CPNE4: variants seen among roughly 807,000 people sequenced by gnomAD.
CPNE4 encodes the protein copine-4.
In CPNE4, 25 loss-of-function variants were observed where a neutral mutation model predicts 67.9. The observed-to-expected ratio is 0.37, with a 90% confidence interval of 0.27 to 0.51. The LOEUF (loss-of-function observed/expected upper bound fraction) is 0.51, where lower values mean the gene tolerates loss of function less well. Ranked by LOEUF, CPNE4 falls within the 20% of genes least tolerant of loss-of-function variation. The pLI, the probability that CPNE4 is intolerant of heterozygous loss-of-function variation, is 0.93. For missense variants in CPNE4, 464 were observed against 690.8 expected (o/e 0.67, Z 3.68); for synonymous variants, 242 against 244.9 (o/e 0.99, Z 0.11).
intron 2 of CPNE4, among the ~76,000 whole-genome samples, chr3:131,804,820 C>G (rs2084254036): frequency 1.3e-5 from 2 of 152,224 alleles, no homozygotes; most frequent in Non-Finnish European, 2.9e-5. Flanking sequence ...GTGGCCCAGT[C>G]TTCCCATTTG....
At chr3:131,674,755 AAACT>A in intron 6 of CPNE4, among the ~76,000 whole-genome samples, 1 of 151,818 alleles carries the variant, frequency 6.6e-6, no homozygotes. Context: ...TCTTTTCAAA[AAACT>A]AACTTTTTGT....
intron 2 of CPNE4, among the ~76,000 whole-genome samples, chr3:131,830,926 A>G (rs1344970043): frequency 1.3e-5 from 2 of 152,134 alleles, no homozygotes; most frequent in Non-Finnish European, 2.9e-5. Context: ...GATACAAGGA[A>G]AGTCTTCCCT....
chr3:131,588,887 G>C (rs1176161926), intron 7 of CPNE4, among the ~76,000 whole-genome samples: 1 of 152,062 alleles, frequency 6.6e-6, no homozygotes, highest in Non-Finnish European at 1.5e-5. Context: ...CAGTCTCCCA[G>C]CTTGTCTCCT....
At chr3:131,735,710 G>A (rs150359037) in intron 2 of CPNE4, among the ~76,000 whole-genome samples, 2 of 152,340 alleles carry the variant, frequency 1.3e-5, no homozygotes, top group African/African-American at 2.4e-5. Context: ...GAACAAAGAA[G>A]TTAAAATACA....
intron 1 of CPNE4, among the ~76,000 whole-genome samples, chr3:131,955,726 G>A (rs533010771): frequency 1.3e-5 from 2 of 152,228 alleles, no homozygotes; most frequent in South Asian, 4.1e-4. Flanking sequence ...GTTCCCATAA[G>A]CAGAGGGAAT....
intron 7 of CPNE4, among the ~76,000 whole-genome samples, chr3:131,615,891 T>TCACACACACACACA (rs746630965): frequency 3.3e-4 from 36 of 107,816 alleles, no homozygotes; most frequent in African/African-American, 1.6e-3. Context: ...TCTCTCTCTC[T>TCACACACACACACA]CACACACACA....
At chr3:131,877,455 G>T (rs1397472532) in intron 2 of CPNE4, among the ~76,000 whole-genome samples, 1 of 152,124 alleles carries the variant, frequency 6.6e-6, no homozygotes, top group Non-Finnish European at 1.5e-5. Flanking sequence ...ATTTGTTTAA[G>T]ATCCTCTAGC....
intron 1 of CPNE4, among the ~76,000 whole-genome samples, chr3:131,960,740 T>G (rs755893997): frequency 6.6e-6 from 1 of 152,168 alleles, no homozygotes; most frequent in Non-Finnish European, 1.5e-5. Context: ...TCTCAGTTAA[T>G]GCAGTTTCCA....
At chr3:131,880,900 GA>G (rs2087649368) in intron 2 of CPNE4, among the ~76,000 whole-genome samples, 1 of 152,190 alleles carries the variant, frequency 6.6e-6, no homozygotes, top group Non-Finnish European at 1.5e-5. Context: ...CCATTGTTAG[GA>G]AGATGTTTTT....
chr3:131,739,105 T>C lies in CPNE4; in HGVS notation c.181-15480A>G, dbSNP rs368742856. 1.8e-3 allele frequency among the ~76,000 whole-genome samples: 279 copies of C among 152,310 alleles called. 1 individual carries two copies. Among genetic ancestry groups the C allele is most frequent in the African/African-American group, 6.3e-3 (261 of 41,572 alleles). ...TCTATACTTTTATACTTCGAAGTCA[T>C]GGAAACTTGCTGACCCTGGAGGGAT... On this transcript the variant is annotated intron_variant, in intron 2 of 15. Coordinates refer to ENST00000429747, the MANE Select transcript of CPNE4 (RefSeq NM_130808.3).
intron 2 of CPNE4, among the ~76,000 whole-genome samples, chr3:131,843,383 G>A (rs114508148): frequency 0.034 from 5,234 of 152,278 alleles, 296 homozygotes; most frequent in African/African-American, 0.12. Context: ...TATAGGAGCT[G>A]TCATCTCTTA....
intron 2 of CPNE4, among the ~76,000 whole-genome samples, chr3:131,860,375 C>T (rs2086626128): frequency 6.6e-6 from 1 of 152,056 alleles, no homozygotes; most frequent in Admixed American, 6.6e-5. Context: ...ATGAAAAATC[C>T]AAAAACTAAT....
intron 7 of CPNE4, among the ~76,000 whole-genome samples, chr3:131,618,934 A>G (rs1940313969): frequency 1.3e-5 from 2 of 152,138 alleles, no homozygotes; most frequent in Non-Finnish European, 2.9e-5. Context: ...GATATTGTGG[A>G]AGGTTTTATG....
At position 131,674,207 on chromosome 3, in the gene CPNE4, TAA is replaced by T. The variant is rs2080500605; in HGVS notation, c.592-4445_592-4444del. Among the ~76,000 whole-genome samples, 4 of 152,106 alleles carry T rather than the reference TAA, an allele frequency of 2.6e-5. No homozygotes were observed. The South Asian group carries it at 8.3e-4, about 32-fold the overall frequency. On this transcript the variant is annotated intron_variant, in intron 6 of 15. Coordinates refer to ENST00000429747, the MANE Select transcript of CPNE4 (RefSeq NM_130808.3). The stretch of plus-strand genomic sequence containing the variant: ...TGATCTTTTTCATGTGTTGTTGAAT[TAA>T]GTTTGCTAGGATTTCAATGAGGATT...
At chr3:131,865,405 C>T (rs945435467) in intron 2 of CPNE4, among the ~76,000 whole-genome samples, 26 of 135,506 alleles carry the variant, frequency 1.9e-4, no homozygotes, top group African/African-American at 7.7e-4. Flanking sequence ...AAATGCCCTT[C>T]ACCTCCTACT....
chr3:131,738,854 CTTTTT>C (rs34053204), intron 2 of CPNE4, among the ~76,000 whole-genome samples: 1 of 140,134 alleles, frequency 7.1e-6, no homozygotes, highest in Non-Finnish European at 1.5e-5. Flanking sequence ...TTTTCTTTTT[CTTTTT>C]TTTTTTTTTC....
intron 2 of CPNE4, among the ~76,000 whole-genome samples, chr3:131,731,297 CT>C (rs1441353328): frequency 6.6e-6 from 1 of 152,216 alleles, no homozygotes; most frequent in African/African-American, 2.4e-5. Flanking sequence ...GGGTTGCATC[CT>C]TGCTTAGGAA....
At chr3:131,666,823 C>T (rs1215315335) in intron 7 of CPNE4, among the ~76,000 whole-genome samples, 4 of 151,972 alleles carry the variant, frequency 2.6e-5, no homozygotes, top group Non-Finnish European at 5.9e-5. Flanking sequence ...GGAGCGAGAA[C>T]GAACTGATTA....
rs549481284 is a variant in CPNE4, at chr3:131,564,525, G to T, written c.928-176C>A. Among the ~76,000 whole-genome samples the T allele has an allele frequency of 2.0e-5, 3 of 152,034 alleles. No homozygotes were observed. The South Asian group carries it at 6.2e-4, about 32-fold the overall frequency. On this transcript the variant is annotated intron_variant, in intron 10 of 15. Coordinates refer to ENST00000429747, the MANE Select transcript of CPNE4 (RefSeq NM_130808.3). ...TGAAAAACTAGTTATTAATTTGGTT[G>T]AGGCCATTTCTGCAGTCTTCAGTCT...
Sources: allele counts gnomAD v4.1 joint callset (sites outside exome capture counted in the v4.1 genomes callset), GRCh38; gene constraint gnomAD v4.1.1; transcripts MANE v1.5; gene names NCBI Gene and HGNC (gene_info 2026-07-23, HGNC 2026-07-21).